Variants in TFCP2 observed in about 807,000 individuals in gnomAD.
The protein encoded by TFCP2 is alpha-globin transcription factor CP2.
Under a neutral mutation model 73.4 loss-of-function variants are expected in TFCP2, and 33 were observed. The observed-to-expected ratio is 0.45, with a 90% CI of 0.34 to 0.60. The LOEUF (loss-of-function observed/expected upper bound fraction) is 0.60, where lower values mean the gene tolerates loss of function less well. Ranked by LOEUF, TFCP2 falls within the 20% of genes least tolerant of loss-of-function variation. The probability of loss-of-function intolerance (pLI) is 0.01; values close to 1 mark genes in which losing one functional copy is unlikely to be tolerated. For missense variants in TFCP2, 352 were observed against 604.0 expected (o/e 0.58, Z 4.37); for synonymous variants, 193 against 211.6 (o/e 0.91, Z 0.76).
chr12:51,152,379 T>A (rs1262337479), intron 1 of TFCP2, among the ~76,000 whole-genome samples: 2 of 150,158 alleles, frequency 1.3e-5, no homozygotes, highest in Admixed American at 6.7e-5. Flanking sequence ...TTAAAGGAGA[T>A]GAAAGAGACA....
chr12:51,172,858 C>G lies in TFCP2; in HGVS notation c.-436G>C, dbSNP rs981393204. Reference sequence around the variant, plus strand: ...CCCGCCCCTTTCTGCTGGAGGCCCCCTCCCTCCCAGGTCTCGCTCTCTCTT... The same window carrying G: ...CCCGCCCCTTTCTGCTGGAGGCCCCGTCCCTCCCAGGTCTCGCTCTCTCTT... On this transcript the variant is annotated 5_prime_UTR_variant, in exon 1 of 15. Coordinates refer to ENST00000257915, the MANE Select transcript of TFCP2 (RefSeq NM_005653.5). 1 of 175,986 alleles carries G rather than the reference C, an allele frequency of 5.7e-6. No homozygotes were observed. The highest frequency in any genetic ancestry group is 2.4e-5 in the African/African-American group (1 of 42,114). 10.9% of individuals were successfully genotyped at this position (175,986 alleles called of 1,614,324 possible). A position where few individuals can be genotyped will look rare whatever the true frequency, so the allele number is the denominator to read the frequency against.
intron 1 of TFCP2, among the ~76,000 whole-genome samples, chr12:51,129,432 G>A (rs1268324384): frequency 6.6e-6 from 1 of 150,600 alleles, no homozygotes; most frequent in Non-Finnish European, 1.5e-5. Context: ...AGAATCTCTT[G>A]AACCCAGGAG....
intron 11 of TFCP2, among the ~76,000 whole-genome samples, chr12:51,100,150 G>T (rs190258702): frequency 6.6e-6 from 1 of 152,198 alleles, no homozygotes; most frequent in African/African-American, 2.4e-5. Context: ...TTACCTGTAT[G>T]TACTCTATAG....
chr12:51,122,026 A>G (rs1308512605), intron 1 of TFCP2, among the ~76,000 whole-genome samples: 1 of 152,124 alleles, frequency 6.6e-6, no homozygotes, highest in African/African-American at 2.4e-5. Context: ...TTTACAGACA[A>G]TATTATAAAT....
chr12:51,122,536 G>A (rs1940709988), intron 1 of TFCP2, among the ~76,000 whole-genome samples: 2 of 151,994 alleles, frequency 1.3e-5, no homozygotes, highest in Non-Finnish European at 2.9e-5. Context: ...TGGGATTACA[G>A]GTGTGAGCCA....
At chr12:51,157,691 T>C (rs997480747) in intron 1 of TFCP2, among the ~76,000 whole-genome samples, 8 of 134,480 alleles carry the variant, frequency 5.9e-5, no homozygotes, top group East Asian at 4.3e-4. Context: ...CTTTTCTTTT[T>C]TTTTTTTTTT....
At chr12:51,163,978 G>A (rs914049313) in intron 1 of TFCP2, among the ~76,000 whole-genome samples, 2 of 151,998 alleles carry the variant, frequency 1.3e-5, no homozygotes, top group Admixed American at 6.6e-5. Flanking sequence ...GCTGAGGCAG[G>A]AGGATCGCTT....
At chr12:51,102,502 G>C (rs999816055) in intron 10 of TFCP2, among the ~76,000 whole-genome samples, 1 of 152,090 alleles carries the variant, frequency 6.6e-6, no homozygotes, top group South Asian at 2.1e-4. Flanking sequence ...GAGGAGGGTG[G>C]ATCATTTGAG....
rs1400668855 is a variant in TFCP2, at chr12:51,128,398, G to A, written c.123-9626C>T. The stretch of plus-strand genomic sequence containing the variant: ...GCTAAATGACGACTTAATGGGTGCA[G>A]CACACCAGCATGGCACTTGTATACA... On this transcript the variant is annotated intron_variant, in intron 1 of 14. Coordinates refer to ENST00000257915, the MANE Select transcript of TFCP2 (RefSeq NM_005653.5). 3.3e-5 allele frequency among the ~76,000 whole-genome samples: 5 copies of A among 150,984 alleles called. No individual in the cohort carries two copies. The East Asian group carries it at 7.7e-4, about 23-fold the overall frequency.
intron 1 of TFCP2, among the ~76,000 whole-genome samples, chr12:51,130,140 T>A (rs2452794): frequency 0.91 from 138,596 of 151,788 alleles, 63,662 homozygotes; most frequent in Non-Finnish European, 0.97. Flanking sequence ...ATGAGACCCC[T>A]TCACAAAAAC....
At chr12:51,171,458 AC>A (rs1471021916) in intron 1 of TFCP2, among the ~76,000 whole-genome samples, 1 of 151,978 alleles carries the variant, frequency 6.6e-6, no homozygotes, top group Non-Finnish European at 1.5e-5. Flanking sequence ...GCTCACTGCA[AC>A]CTCCGCCTCC....
At chr12:51,138,673 A>C (rs1941118905) in intron 1 of TFCP2, among the ~76,000 whole-genome samples, 1 of 151,848 alleles carries the variant, frequency 6.6e-6, no homozygotes, top group African/African-American at 2.4e-5. Context: ...GCTGGAGTGC[A>C]ATGGTGAGAG....
intron 1 of TFCP2, among the ~76,000 whole-genome samples, chr12:51,163,681 G>A (rs1490981218): frequency 1.3e-5 from 2 of 151,938 alleles, no homozygotes; most frequent in African/African-American, 4.8e-5. Context: ...CAACACTTTG[G>A]GAAGCTGAGG....
In TFCP2 at chr12:51,097,735, G is replaced by A. The variant is rs1434824759; in HGVS notation, c.1419+1041C>T. 2.0e-5 allele frequency among the ~76,000 whole-genome samples: 3 copies of A among 152,162 alleles called. No homozygotes were observed. In the East Asian group the frequency reaches 5.8e-4, roughly 29 times the overall value. On this transcript the variant is annotated intron_variant, in intron 13 of 14. Coordinates refer to ENST00000257915, the MANE Select transcript of TFCP2 (RefSeq NM_005653.5). ...GCATAAAAATATGTTATGGTAAGAT[G>A]GCCAGGCGTGGTGGTTCACATCTGT...
At chr12:51,147,094 G>C (rs552649554) in intron 1 of TFCP2, among the ~76,000 whole-genome samples, 1 of 152,200 alleles carries the variant, frequency 6.6e-6, no homozygotes, top group South Asian at 2.1e-4. Context: ...TGTAATCCCA[G>C]CACTTTGGGA....
chr12:51,152,865 C>T (rs925938425), intron 1 of TFCP2, among the ~76,000 whole-genome samples: 1 of 152,114 alleles, frequency 6.6e-6, no homozygotes, highest in Non-Finnish European at 1.5e-5. Context: ...GTATTAAGTA[C>T]AATCATATTG....
At chr12:51,161,190 T>C (rs1941641172) in intron 1 of TFCP2, among the ~76,000 whole-genome samples, 1 of 151,912 alleles carries the variant, frequency 6.6e-6, no homozygotes, top group Admixed American at 6.6e-5. Flanking sequence ...CAACCAGATA[T>C]ACACTCTTTG....
At chr12:51,129,844 A>AC (rs1455953617) in intron 1 of TFCP2, among the ~76,000 whole-genome samples, 2 of 151,084 alleles carry the variant, frequency 1.3e-5, no homozygotes, top group Admixed American at 1.3e-4. Context: ...GGGGAAAAAA[A>AC]AAAGCAGCAG....
intron 1 of TFCP2, among the ~76,000 whole-genome samples, chr12:51,147,048 A>G (rs770489967): frequency 4.6e-5 from 7 of 152,244 alleles, no homozygotes; most frequent in African/African-American, 4.8e-5. Context: ...TTTGCTGTGC[A>G]TATAAAACAT....
Sources: allele counts gnomAD v4.1 joint callset (sites outside exome capture counted in the v4.1 genomes callset), GRCh38; gene constraint gnomAD v4.1.1; transcripts MANE v1.5; gene names NCBI Gene and HGNC (gene_info 2026-07-23, HGNC 2026-07-21).